Variants in ERC2 observed in about 807,000 individuals in gnomAD.
The protein encoded by ERC2 is ELKS/RAB6-interacting/CAST family member 2, also known as ERC protein 2.
In ERC2, 42 loss-of-function variants were observed where a neutral mutation model predicts 114.8. That is an observed-to-expected ratio of 0.37 (90% CI 0.29 to 0.47). ERC2 has a LOEUF of 0.47. ERC2 is among the 20% of genes least tolerant of loss of function. ERC2 has a pLI of 0.99. For synonymous variants in ERC2, 454 were observed against 425.5 expected, an observed-to-expected ratio of 1.07 and a Z score of -0.82; for missense variants, 939 against 1,150.7, an observed-to-expected ratio of 0.82 and a Z score of 2.66.
rs1357578082 is a variant in ERC2 at position 55,668,630 on chromosome 3, C to T, written c.*39+15164G>A. Among the ~76,000 whole-genome samples the T allele has an allele frequency of 1.3e-5, 2 of 152,128 alleles. 1 individual carries two copies. Among genetic ancestry groups the T allele is most frequent in the South Asian group, 4.1e-4 (2 of 4,826 alleles). On this transcript the variant is annotated intron_variant, in intron 17 of 17. Transcript: ENST00000288221. ...TCTTTTTAGTGCCTTTGTGTGTTGC[C>T]CCTCTTGACCTCTGGGACTGGTGTT...
intron 2 of ERC2, among the ~76,000 whole-genome samples, chr3:56,365,347 C>T (rs2059109749): frequency 6.6e-6 from 1 of 152,222 alleles, no homozygotes; most frequent in Non-Finnish European, 1.5e-5. Flanking sequence ...CAGTAACCTG[C>T]TATACAGGTT....
At chr3:56,406,342 C>T (rs78839259) in intron 2 of ERC2, among the ~76,000 whole-genome samples, 2,669 of 152,284 alleles carry the variant, frequency 0.018, 25 homozygotes, top group Middle Eastern at 0.054. Flanking sequence ...GGATTCTGAA[C>T]ACTATACCTC....
Position 55,645,979 on chromosome 3 carries a change from G to A in ERC2, c.*39+37815C>T, listed in dbSNP as rs138338213. The stretch of plus-strand genomic sequence containing the variant: ...GTGAGGGGGAAATAATACATTTCAG[G>A]CAAGTGTAGGTTAAATAAGCCCTTG... On this transcript the variant is annotated intron_variant, in intron 17 of 17. Coordinates refer to ENST00000288221, the MANE Select transcript of ERC2 (RefSeq NM_015576.3). 2.6e-3 allele frequency among the ~76,000 whole-genome samples: 392 copies of A among 152,260 alleles called. 4 individuals carry two copies. Among genetic ancestry groups the A allele is most frequent in the African/African-American group, 8.9e-3 (370 of 41,558 alleles).
intron 6 of ERC2, among the ~76,000 whole-genome samples, chr3:56,085,513 C>A (rs1009717025): frequency 6.6e-6 from 1 of 152,174 alleles, no homozygotes; most frequent in East Asian, 1.9e-4. Context: ...GGGATACTCA[C>A]GTCCTGGGGA....
At chr3:56,447,127 C>T (rs1415351402) in intron 1 of ERC2, among the ~76,000 whole-genome samples, 1 of 152,166 alleles carries the variant, frequency 6.6e-6, no homozygotes. Context: ...TGAGGAGATG[C>T]GGGTGGGGCA....
chr3:56,046,712 T>C (rs148300903), intron 7 of ERC2, among the ~76,000 whole-genome samples: 1 of 152,324 alleles, frequency 6.6e-6, no homozygotes, highest in East Asian at 1.9e-4. Flanking sequence ...AAGAACTTCA[T>C]GGAATCTCCC....
rs555892960 is a variant in ERC2 at position 55,940,281 on chromosome 3, TTG to T, written c.2403+10142_2403+10143del. Among the ~76,000 whole-genome samples the T allele has an allele frequency of 7.1e-3, 1,077 of 152,138 alleles. 6 individuals carry two copies. Among genetic ancestry groups the T allele is most frequent in the Middle Eastern group, 0.031 (9 of 294 alleles). ...CCTTACTTCAATACAAGCCCCTCTT[TTG>T]TAGATGAGAAAACTGAGGCTTAGAG... On this transcript the variant is annotated intron_variant, in intron 13 of 17. Transcript: ENST00000288221.
intron 13 of ERC2, among the ~76,000 whole-genome samples, chr3:55,889,357 G>T (rs898024517): frequency 6.6e-6 from 1 of 152,152 alleles, no homozygotes; most frequent in Non-Finnish European, 1.5e-5. Context: ...CAGAATTCCA[G>T]CCACAAAAGG....
intron 2 of ERC2, among the ~76,000 whole-genome samples, chr3:56,314,273 C>T (rs2056761759): frequency 6.6e-6 from 1 of 152,126 alleles, no homozygotes; most frequent in Admixed American, 6.5e-5. Flanking sequence ...GTTATTTTCG[C>T]TAAACCTCAG....
intron 17 of ERC2, among the ~76,000 whole-genome samples, chr3:55,621,789 A>G (rs1266494516): frequency 6.6e-6 from 1 of 152,190 alleles, no homozygotes; most frequent in African/African-American, 2.4e-5. Flanking sequence ...GGAGAAAAGT[A>G]GTTCCAGGAG....
At chr3:55,584,290 T>C (rs764209571) in intron 17 of ERC2, among the ~76,000 whole-genome samples, 3 of 152,180 alleles carry the variant, frequency 2.0e-5, no homozygotes, top group Non-Finnish European at 2.9e-5. Context: ...CAAAATGGGT[T>C]CAATAACAGC....
intron 15 of ERC2, among the ~76,000 whole-genome samples, chr3:55,724,850 C>T (rs2064811677): frequency 1.3e-5 from 2 of 152,206 alleles, no homozygotes; most frequent in Non-Finnish European, 2.9e-5. Flanking sequence ...TGGGAAGTTT[C>T]TCCTGTACAC....
chr3:55,700,009 T>C (rs2063138944), intron 15 of ERC2, among the ~76,000 whole-genome samples: 1 of 152,134 alleles, frequency 6.6e-6, no homozygotes, highest in Non-Finnish European at 1.5e-5. Flanking sequence ...AATGCAAAAA[T>C]ACTGATGGAG....
chr3:55,655,223 T>A (rs1191647498), intron 17 of ERC2, among the ~76,000 whole-genome samples: 1 of 140,670 alleles, frequency 7.1e-6, no homozygotes, highest in African/African-American at 2.6e-5. Context: ...TCCCCCTTTA[T>A]TGGCTTGCCT....
chr3:55,759,497 A>AG (rs2067286379), intron 14 of ERC2, among the ~76,000 whole-genome samples: 2 of 104,780 alleles, frequency 1.9e-5, no homozygotes, highest in African/African-American at 3.3e-5. Context: ...AAAAAAAAAA[A>AG]AGGTTAAGGT....
At chr3:55,668,439 A>G (rs1173095185) in intron 17 of ERC2, among the ~76,000 whole-genome samples, 1 of 152,226 alleles carries the variant, frequency 6.6e-6, no homozygotes, top group Non-Finnish European at 1.5e-5. Flanking sequence ...GTAGAGTTAC[A>G]CATGGACAAA....
At chr3:55,601,964 G>A (rs1217329383) in intron 17 of ERC2, among the ~76,000 whole-genome samples, 3 of 152,176 alleles carry the variant, frequency 2.0e-5, no homozygotes, top group South Asian at 2.1e-4. Context: ...CCCATGAGCC[G>A]GGCTTTGTGT....
intron 17 of ERC2, among the ~76,000 whole-genome samples, chr3:55,596,990 C>A (rs902989609): frequency 6.6e-6 from 1 of 152,154 alleles, no homozygotes; most frequent in African/African-American, 2.4e-5. Flanking sequence ...AAAGAACATG[C>A]ACCCAAAGAG....
chr3:55,732,926 G>A (rs1184082392), intron 15 of ERC2, among the ~76,000 whole-genome samples: 1 of 152,144 alleles, frequency 6.6e-6, no homozygotes, highest in African/African-American at 2.4e-5. Context: ...AAGGTTGGAT[G>A]AGCTCTTATG....
Sources: allele counts gnomAD v4.1 joint callset (sites outside exome capture counted in the v4.1 genomes callset), GRCh38; gene constraint gnomAD v4.1.1; transcripts MANE v1.5; gene names NCBI Gene and HGNC (gene_info 2026-07-23, HGNC 2026-07-21).